Variants in MOK observed in about 807,000 individuals in gnomAD.
The protein encoded by MOK is MAPK/MAK/MRK overlapping kinase.
Under a neutral mutation model 54.2 loss-of-function variants are expected in MOK, and 59 were observed. That is an observed-to-expected ratio of 1.09 (90% CI 0.88 to 1.35). The LOEUF (loss-of-function observed/expected upper bound fraction) is 1.35, where lower values mean the gene tolerates loss of function less well. Ranked by LOEUF, MOK falls within the 40% of genes most tolerant of loss-of-function variation. MOK has a pLI of 0.00. For synonymous variants in MOK, 210 were observed against 202.7 expected, an observed-to-expected ratio of 1.04 and a Z score of -0.31; for missense variants, 517 against 526.2, an observed-to-expected ratio of 0.98 and a Z score of 0.17.
chr14:102,234,011 T>C (rs2153086690), intron 7 of MOK: 1 of 479,170 alleles, frequency 2.1e-6, no homozygotes, highest in East Asian at 3.7e-5. Context: ...GATGTGACCA[T>C]ACCGAAGAAC....
chr14:102,299,740 C>T (rs1010817491), intron 1 of MOK, among the ~76,000 whole-genome samples: 15 of 152,046 alleles, frequency 9.9e-5, no homozygotes, highest in African/African-American at 3.4e-4. Context: ...CATGCACTGC[C>T]ATGCTTGGCC....
chr14:102,260,926 TC>T (rs1219329749), intron 4 of MOK, among the ~76,000 whole-genome samples: 3 of 151,686 alleles, frequency 2.0e-5, no homozygotes, highest in Non-Finnish European at 1.5e-5. Context: ...ATTGAGACCA[TC>T]CTGGCTAACA....
At chr14:102,278,505 C>A (rs2069098247) in intron 2 of MOK, 1 of 348,820 alleles carries the variant, frequency 2.9e-6, no homozygotes, top group Non-Finnish European at 5.8e-6. Context: ...AGAGGTGTGA[C>A]TTGAGAAAAA....
At chr14:102,298,741 G>A (rs1411919962) in intron 1 of MOK, among the ~76,000 whole-genome samples, 1 of 152,162 alleles carries the variant, frequency 6.6e-6, no homozygotes, top group African/African-American at 2.4e-5. Flanking sequence ...CAATGTGGAA[G>A]CTTTGTTCTT....
At chr14:102,302,352 C>T (rs528731933) in intron 1 of MOK, among the ~76,000 whole-genome samples, 405 of 152,118 alleles carry the variant, frequency 2.7e-3, no homozygotes, top group Middle Eastern at 6.8e-3. Flanking sequence ...GGATTACAGG[C>T]GTGAGCCACT....
chr14:102,246,592 C>CT (rs760107454), intron 7 of MOK, among the ~76,000 whole-genome samples: 17 of 152,150 alleles, frequency 1.1e-4, no homozygotes, highest in Non-Finnish European at 2.5e-4. Flanking sequence ...CCTGCTCAGC[C>CT]TATAACTGGA....
the MOK span, among the ~76,000 whole-genome samples, chr14:102,219,093 G>A: frequency 2.6e-5 from 4 of 152,204 alleles, no homozygotes; most frequent in Non-Finnish European, 4.4e-5. Context: ...GATCCCCCAC[G>A]CTGTGCTCTC....
rs530684446 is a variant in MOK at position 102,300,597 on chromosome 14, A to T, written c.7+4365T>A. Among the ~76,000 whole-genome samples the T allele has an allele frequency of 1.1e-3, 175 of 152,326 alleles. 2 individuals are homozygous for T. The Middle Eastern group carries it at 0.017, about 15-fold the overall frequency. ...AAGAGTGGTACTTTAACTAGACTAG[A>T]TAAGGGGAAACTTTTCCAAGTCAGG... On this transcript the variant is annotated intron_variant, in intron 1 of 11. Transcript: ENST00000361847.
chr14:102,224,887 T>C, downstream of MOK: 1 of 434,304 alleles, frequency 2.3e-6, no homozygotes, highest in Non-Finnish European at 4.6e-6. Context: ...GTGACCTCTG[T>C]ATTAAAATAA....
chr14:102,245,129 C>T lies in MOK; in HGVS notation c.590+5683G>A, dbSNP rs1408778925. On this transcript the variant is annotated intron_variant, in intron 7 of 11. Transcript: ENST00000361847. The surrounding 1 kb of genome is among the most constrained non-coding windows in gnomAD (Gnocchi z 4.3). ...GACCTTGTGTCTTCCGTTTAGCTCT[C>T]AATTCATAAAAAAACACATCCAGGC... Among the ~76,000 whole-genome samples the T allele has an allele frequency of 6.6e-6, 1 of 152,046 alleles. No individual in the cohort carries two copies. The highest frequency in any genetic ancestry group is 1.5e-5 in the Non-Finnish European group (1 of 68,016).
downstream of MOK, chr14:102,224,883 T>C: frequency 2.3e-6 from 1 of 437,802 alleles, no homozygotes. Flanking sequence ...CAGAGTGACC[T>C]CTGTATTAAA....
At chr14:102,248,605 T>C (rs900298223) in intron 7 of MOK, among the ~76,000 whole-genome samples, 10 of 151,868 alleles carry the variant, frequency 6.6e-5, no homozygotes, top group Non-Finnish European at 1.3e-4. Context: ...AATGAAACCC[T>C]GTCTCTACTA....
chr14:102,278,278 T>G (rs888923078), intron 2 of MOK, among the ~76,000 whole-genome samples: 6 of 151,834 alleles, frequency 4.0e-5, no homozygotes, highest in African/African-American at 1.5e-4. Flanking sequence ...GGTGGAGGTA[T>G]AGATTAAATA....
chr14:102,217,741 G>C, the MOK span, among the ~76,000 whole-genome samples: 116 of 152,370 alleles, frequency 7.6e-4, no homozygotes, highest in Middle Eastern at 3.4e-3. Context: ...GGTCTGTGTA[G>C]TGAGAATGGT....
intron 7 of MOK, among the ~76,000 whole-genome samples, chr14:102,234,794 G>A (rs2065063138): frequency 1.3e-5 from 2 of 152,120 alleles, no homozygotes; most frequent in Admixed American, 1.3e-4. Context: ...TGGCACTTTC[G>A]ATTCCGACAT....
At chr14:102,266,657 A>G (rs908417328) in intron 2 of MOK, among the ~76,000 whole-genome samples, 15 of 152,070 alleles carry the variant, frequency 9.9e-5, no homozygotes, top group Non-Finnish European at 1.8e-4. Context: ...ATCTTGGCTC[A>G]CTGCAACCTC....
chr14:102,258,509 G>A (rs2067145547), intron 4 of MOK, among the ~76,000 whole-genome samples: 1 of 152,086 alleles, frequency 6.6e-6, no homozygotes, highest in Admixed American at 6.5e-5. Flanking sequence ...TCCTCATCAA[G>A]TGTGAGCTCC....
At chr14:102,262,177 G>A (rs1349177781) in intron 4 of MOK, among the ~76,000 whole-genome samples, 4 of 151,682 alleles carry the variant, frequency 2.6e-5, no homozygotes, top group Non-Finnish European at 5.9e-5. Context: ...ACAGAGTCTC[G>A]CTCTGTCGCC....
chr14:102,268,370 T>TG (rs962331705), intron 2 of MOK, among the ~76,000 whole-genome samples: 100 of 148,680 alleles, frequency 6.7e-4, no homozygotes, highest in African/African-American at 2.3e-3. Context: ...TTTAAAATCA[T>TG]GAAAAAAAAA....
Sources: allele counts gnomAD v4.1 joint callset (sites outside exome capture counted in the v4.1 genomes callset), GRCh38; gene constraint gnomAD v4.1.1; non-coding constraint Gnocchi (gnomAD v3.1); transcripts MANE v1.5; gene names NCBI Gene and HGNC (gene_info 2026-07-23, HGNC 2026-07-21).